The following DISP1 variants were observed in gnomAD, a reference collection of about 807,000 sequenced individuals.
The protein encoded by DISP1 is dispatched RND transporter family member 1.
Under a neutral mutation model 37.3 loss-of-function variants are expected in DISP1, and 30 were observed. The ratio of observed to expected loss-of-function variants is 0.80; its 90% CI spans 0.60 to 1.09. DISP1 has a LOEUF of 1.09. Ranked by LOEUF, DISP1 falls within the 50% of genes least tolerant of loss-of-function variation. DISP1 has a pLI of 0.00. For synonymous variants in DISP1, 634 were observed against 690.2 expected (o/e 0.92, Z 1.28); for missense variants, 1,598 against 1,879.5 (o/e 0.85, Z 2.77).
At chr1:222,836,804 T>C in intron 1 of DISP1, 1 of 291,058 alleles carries the variant, frequency 3.4e-6, no homozygotes, top group East Asian at 5.5e-5. Flanking sequence ...TAGCATGATT[T>C]AGTGTGGAGA....
At chr1:222,864,644 A>G (rs1669076302) in intron 1 of DISP1, among the ~76,000 whole-genome samples, 1 of 152,210 alleles carries the variant, frequency 6.6e-6, no homozygotes, top group South Asian at 2.1e-4. Context: ...AACATCATTG[A>G]AAAGATTTCA....
intron 1 of DISP1, among the ~76,000 whole-genome samples, chr1:222,903,522 G>A (rs193014738): frequency 6.6e-6 from 1 of 151,634 alleles, no homozygotes; most frequent in Admixed American, 6.6e-5. Context: ...ATTTATATAT[G>A]TAAATATATT....
At chr1:222,993,599 C>G (rs1270567294) in intron 7 of DISP1, among the ~76,000 whole-genome samples, 1 of 152,100 alleles carries the variant, frequency 6.6e-6, no homozygotes, top group Non-Finnish European at 1.5e-5. Context: ...TTATACTGAT[C>G]CCAGGAAGCA....
intron 1 of DISP1, among the ~76,000 whole-genome samples, chr1:222,874,573 C>T (rs1047417699): frequency 2.0e-5 from 3 of 152,122 alleles, no homozygotes; most frequent in African/African-American, 4.8e-5. Context: ...CTTGTGCATT[C>T]GTCATGTAGT....
intron 1 of DISP1, among the ~76,000 whole-genome samples, chr1:222,870,122 C>T (rs2125342152): frequency 6.6e-6 from 1 of 152,222 alleles, no homozygotes; most frequent in South Asian, 2.1e-4. Context: ...CATGAACTCA[C>T]CATTTGTTAT....
At chr1:222,841,996 AT>A (rs1667637475) in intron 1 of DISP1, among the ~76,000 whole-genome samples, 1 of 152,076 alleles carries the variant, frequency 6.6e-6, no homozygotes, top group African/African-American at 2.4e-5. Context: ...TACCTAATGA[AT>A]TTTGAACCTA....
At chr1:222,914,201 A>G (rs1385184946) in intron 1 of DISP1, among the ~76,000 whole-genome samples, 1 of 152,152 alleles carries the variant, frequency 6.6e-6, no homozygotes, top group African/African-American at 2.4e-5. Context: ...ACTTATGCAA[A>G]TACTCAGTTG....
At chr1:222,995,030 T>C in intron 8 of DISP1, 48 bp downstream of exon 8, 1 of 1,430,314 alleles carries the variant, frequency 7.0e-7, no homozygotes, top group Non-Finnish European at 9.8e-7. Flanking sequence ...TAAGGTTGTA[T>C]TATTGAAACT....
At chr1:222,957,145 T>TAAAAAAA (rs35888809) in intron 3 of DISP1, among the ~76,000 whole-genome samples, 1 of 103,268 alleles carries the variant, frequency 9.7e-6, no homozygotes, top group African/African-American at 3.7e-5. Flanking sequence ...TTTACTATTG[T>TAAAAAAA]AAAAAAAAAA....
intron 1 of DISP1, among the ~76,000 whole-genome samples, chr1:222,912,425 C>T (rs540321480): frequency 6.6e-6 from 1 of 152,296 alleles, no homozygotes; most frequent in East Asian, 1.9e-4. Context: ...CAGTTTCCTA[C>T]TTTTCCCTCA....
At chr1:222,832,482 C>A (rs1422388631) in intron 1 of DISP1, among the ~76,000 whole-genome samples, 1 of 152,150 alleles carries the variant, frequency 6.6e-6, no homozygotes, top group African/African-American at 2.4e-5. Flanking sequence ...TCATGAATAT[C>A]AAAAATTTTA....
chr1:222,924,510 T>C (rs1672975546), intron 1 of DISP1, among the ~76,000 whole-genome samples: 1 of 152,172 alleles, frequency 6.6e-6, no homozygotes, highest in Non-Finnish European at 1.5e-5. Context: ...GGGCTATGAC[T>C]TGGGCAGCAT....
intron 1 of DISP1, among the ~76,000 whole-genome samples, chr1:222,832,583 A>C (rs1017568033): frequency 6.6e-6 from 1 of 152,200 alleles, no homozygotes; most frequent in Admixed American, 6.5e-5. Flanking sequence ...GTTGAATTTA[A>C]TTTTAAGTCA....
rs927744993 is a variant in DISP1 at position 222,894,000 on chromosome 1, G to A, written c.-158-34430G>A. On this transcript the variant is annotated intron_variant, in intron 1 of 8. Transcript: ENST00000675850. This position sits in a 1 kb window ranked among gnomAD's most constrained non-coding sequence, Gnocchi z 4.3. ...GTGGGTAGCTCCCTCCCGCAGGCAG[G>A]TCATCCCTACAAGTTGAGGAGACGT... is the stretch of plus-strand genomic sequence containing the variant. Among the ~76,000 whole-genome samples the A allele has an allele frequency of 7.2e-5, 11 of 152,104 alleles. No homozygotes were observed. The highest frequency in any genetic ancestry group is 2.7e-4 in the African/African-American group (11 of 41,418).
chr1:222,929,956 A>G (rs567376891), intron 2 of DISP1, among the ~76,000 whole-genome samples: 1 of 152,188 alleles, frequency 6.6e-6, no homozygotes, highest in East Asian at 1.9e-4. Context: ...ATCATGAACT[A>G]TTTGCATTGA....
chr1:222,848,685 G>T (rs564780503), intron 1 of DISP1, among the ~76,000 whole-genome samples: 3 of 152,218 alleles, frequency 2.0e-5, no homozygotes, highest in African/African-American at 7.2e-5. Flanking sequence ...TTTGAGCATA[G>T]AATAGGATAT....
chr1:222,882,863 T>C (rs1023200962), intron 1 of DISP1, among the ~76,000 whole-genome samples: 3 of 152,078 alleles, frequency 2.0e-5, no homozygotes, highest in Non-Finnish European at 4.4e-5. Context: ...TAATATACAC[T>C]GAAAAAATAT....
chr1:222,909,450 G>A (rs994414288), intron 1 of DISP1, among the ~76,000 whole-genome samples: 1 of 152,102 alleles, frequency 6.6e-6, no homozygotes, highest in Non-Finnish European at 1.5e-5. Flanking sequence ...TATTTCTCTT[G>A]TTATTCAGGA....
chr1:222,870,594 A>C (rs552464289), intron 1 of DISP1, among the ~76,000 whole-genome samples: 1 of 152,246 alleles, frequency 6.6e-6, no homozygotes, highest in East Asian at 1.9e-4. Flanking sequence ...TCTTCTTTTG[A>C]GAAGTGTCTG....
Sources: allele counts gnomAD v4.1 joint callset (sites outside exome capture counted in the v4.1 genomes callset), GRCh38; gene constraint gnomAD v4.1.1; non-coding constraint Gnocchi (gnomAD v3.1); transcripts MANE v1.5; gene names NCBI Gene and HGNC (gene_info 2026-07-23, HGNC 2026-07-21).